PCDH15: variants seen among roughly 807,000 people sequenced by gnomAD.
The protein encoded by PCDH15 is protocadherin related 15.
Under a neutral mutation model 178.5 loss-of-function variants are expected in PCDH15, and 129 were observed. That is an observed-to-expected ratio of 0.72 (90% CI 0.63 to 0.84). The LOEUF (loss-of-function observed/expected upper bound fraction) is 0.84. Among genes scored for constraint, PCDH15 ranks in the 40% least tolerant of loss-of-function variants. PCDH15 has a pLI of 0.00. For synonymous variants in PCDH15, 800 were observed against 732.0 expected (o/e 1.09, Z -1.50); for missense variants, 2,230 against 2,099.9 (o/e 1.06, Z -1.21).
intron 2 of PCDH15, among the ~76,000 whole-genome samples, chr10:55,459,836 C>A (rs1285658019): frequency 6.6e-6 from 1 of 151,956 alleles, no homozygotes; most frequent in African/African-American, 2.4e-5. Flanking sequence ...TTTTGGTGCA[C>A]TGAAGTGGCT....
Position 53,827,449 on chromosome 10 carries a change from CGGCGGG to C in PCDH15, c.4305_4310del (p.Pro1442_Pro1443del), listed in dbSNP as rs1327987212. The C allele has an allele frequency of 1.2e-6, 2 of 1,613,142 alleles. No homozygotes were observed. Among genetic ancestry groups the C allele is most frequent in the Non-Finnish European group, 1.7e-6 (2 of 1,179,534 alleles). ...GCGCACCTGGCGGAGGCGGCGGCGG[CGGCGGG>C]GGCGCTGCCACTGGTGCAGGAGCCG... On this transcript the variant is annotated inframe_deletion, in exon 32 of 38. Coordinates refer to ENST00000644397, the MANE Select transcript of PCDH15 (RefSeq NM_001384140.1).
chr10:55,546,772 C>T (rs1054763885), intron 2 of PCDH15, among the ~76,000 whole-genome samples: 1 of 152,046 alleles, frequency 6.6e-6, no homozygotes, highest in Non-Finnish European at 1.5e-5. Context: ...ATCTTGTTCT[C>T]GAAATAGTAC....
intron 1 of PCDH15, among the ~76,000 whole-genome samples, chr10:55,255,828 C>A (rs1343879988): frequency 2.6e-5 from 4 of 152,106 alleles, no homozygotes; most frequent in Admixed American, 6.6e-5. Flanking sequence ...TGTTTCAGTT[C>A]ATTGTAGATT....
intron 35 of PCDH15, among the ~76,000 whole-genome samples, chr10:53,814,628 C>A (rs2075994619): frequency 6.6e-6 from 1 of 151,946 alleles, no homozygotes; most frequent in Non-Finnish European, 1.5e-5. Flanking sequence ...GATGCTTCCA[C>A]CACCCATGAA....
chr10:55,202,806 T>A (rs536121365), intron 1 of PCDH15, among the ~76,000 whole-genome samples: 2 of 152,278 alleles, frequency 1.3e-5, no homozygotes, highest in South Asian at 4.1e-4. Context: ...TATAAGTGTT[T>A]GGAAGTTCCT....
intron 13 of PCDH15, among the ~76,000 whole-genome samples, chr10:54,173,310 C>T (rs966586949): frequency 2.6e-5 from 4 of 151,942 alleles, no homozygotes; most frequent in Non-Finnish European, 5.9e-5. Context: ...GATTTGGCAT[C>T]GTGCGCAATA....
At chr10:54,740,028 A>T (rs188416784) in intron 1 of PCDH15, among the ~76,000 whole-genome samples, 39 of 152,140 alleles carry the variant, frequency 2.6e-4, no homozygotes, top group Middle Eastern at 3.4e-3. Context: ...AGAAATAGAG[A>T]AATGGGATTA....
At chr10:54,724,909 GAT>G (rs1392325014) in intron 1 of PCDH15, among the ~76,000 whole-genome samples, 4 of 38,254 alleles carry the variant, frequency 1.0e-4, no homozygotes. Flanking sequence ...TATATATATA[GAT>G]ATAGATATAG....
At chr10:54,227,490 C>G (rs2053578626) in intron 9 of PCDH15, among the ~76,000 whole-genome samples, 1 of 152,176 alleles carries the variant, frequency 6.6e-6, no homozygotes, top group African/African-American at 2.4e-5. Context: ...ACAGAACCAT[C>G]TTTTCTCCCC....
chr10:54,705,242 G>C (rs1026853439), intron 1 of PCDH15, among the ~76,000 whole-genome samples: 9 of 151,958 alleles, frequency 5.9e-5, no homozygotes, highest in Non-Finnish European at 1.3e-4. Flanking sequence ...GAAATAATCT[G>C]TACATTGCAC....
intron 2 of PCDH15, chr10:54,655,988 T>C (rs1385694468): frequency 6.6e-6 from 1 of 152,196 alleles, no homozygotes; most frequent in Non-Finnish European, 1.5e-5. Context: ...TATGTACATA[T>C]ACATGTAATA....
intron 2 of PCDH15, among the ~76,000 whole-genome samples, chr10:55,098,410 C>G (rs374651541): frequency 6.6e-6 from 1 of 152,230 alleles, no homozygotes; most frequent in African/African-American, 2.4e-5. Flanking sequence ...TAATGAAAAG[C>G]AGCCCCCAAA....
chr10:55,002,766 A>G (rs1043578123), intron 2 of PCDH15, among the ~76,000 whole-genome samples: 3 of 152,222 alleles, frequency 2.0e-5, no homozygotes, highest in Non-Finnish European at 4.4e-5. Flanking sequence ...TGAGATTGTA[A>G]AAGCCAGTTC....
At chr10:54,528,072 C>A (rs2083532647) in intron 2 of PCDH15, among the ~76,000 whole-genome samples, 195 bp from the exon 3 acceptor site, 1 of 152,006 alleles carries the variant, frequency 6.6e-6, no homozygotes, top group African/African-American at 2.4e-5. Context: ...ATAATACAGT[C>A]ACTTTGTGCA....
intron 2 of PCDH15, among the ~76,000 whole-genome samples, chr10:54,962,190 G>A (rs371085728): frequency 3.7e-4 from 56 of 152,360 alleles, no homozygotes; most frequent in African/African-American, 1.1e-3. Context: ...CTCCTGGACT[G>A]TAGGAGTGAA....
At chr10:54,765,510 T>C (rs1402604453) in intron 1 of PCDH15, among the ~76,000 whole-genome samples, 1 of 152,152 alleles carries the variant, frequency 6.6e-6, no homozygotes, top group East Asian at 1.9e-4. Flanking sequence ...TAAACTACTC[T>C]CACCCTGGTA....
chr10:55,540,889 A>T (rs1440638377), intron 2 of PCDH15, among the ~76,000 whole-genome samples: 1 of 152,100 alleles, frequency 6.6e-6, no homozygotes, highest in African/African-American at 2.4e-5. Flanking sequence ...AATACTACAT[A>T]TAACGTCTGT....
At chr10:54,316,190 T>C (rs1367917281) in intron 8 of PCDH15, among the ~76,000 whole-genome samples, 1 of 152,120 alleles carries the variant, frequency 6.6e-6, no homozygotes, top group Non-Finnish European at 1.5e-5. Flanking sequence ...GGACCAGTGA[T>C]CATTGCTGTG....
intron 2 of PCDH15, among the ~76,000 whole-genome samples, chr10:55,530,610 C>T (rs561903206): frequency 6.6e-6 from 1 of 151,718 alleles, no homozygotes; most frequent in South Asian, 2.1e-4. Flanking sequence ...AACATAAGTC[C>T]CTGAATTAAT....
Sources: allele counts gnomAD v4.1 joint callset (sites outside exome capture counted in the v4.1 genomes callset), GRCh38; gene constraint gnomAD v4.1.1; transcripts MANE v1.5; gene names NCBI Gene and HGNC (gene_info 2026-07-23, HGNC 2026-07-21).